The following NCK1 variants were observed in gnomAD, a reference collection of about 807,000 sequenced individuals.
The protein encoded by NCK1 is SH2/SH3 adapter protein NCK1.
In NCK1, 19 loss-of-function variants were observed where a neutral mutation model predicts 36.6. That is an observed-to-expected ratio of 0.52 (90% CI 0.36 to 0.76). NCK1 has a LOEUF of 0.76. Ranked by LOEUF, NCK1 falls within the 30% of genes least tolerant of loss-of-function variation. NCK1 has a pLI of 0.00. For synonymous variants in NCK1, 165 were observed against 156.0 expected, an observed-to-expected ratio of 1.06 and a Z score of -0.43; for missense variants, 358 against 445.6, an observed-to-expected ratio of 0.80 and a Z score of 1.77.
intron 1 of NCK1, among the ~76,000 whole-genome samples, chr3:136,876,409 A>G (rs1233469482): frequency 6.6e-6 from 1 of 152,210 alleles, no homozygotes; most frequent in East Asian, 1.9e-4. Context: ...ACCGCTAGCA[A>G]GACTAATAAA....
chr3:136,899,149 T>C, intron 1 of NCK1: 1 of 206,020 alleles, frequency 4.9e-6, no homozygotes, highest in Admixed American at 5.1e-5. Context: ...ATTTGGAGAC[T>C]TCATGGACAC....
intron 2 of NCK1, among the ~76,000 whole-genome samples, chr3:136,937,160 G>C (rs1196730602): frequency 1.3e-5 from 2 of 152,116 alleles, no homozygotes; most frequent in African/African-American, 2.4e-5. Context: ...TTGGAGTCCA[G>C]TTTCATTCTT....
intron 1 of NCK1, among the ~76,000 whole-genome samples, chr3:136,895,629 A>G (rs559435804): frequency 2.6e-5 from 4 of 152,240 alleles, no homozygotes; most frequent in South Asian, 4.1e-4. Context: ...CAGTGGCACA[A>G]TCTCGGCTCA....
At chr3:136,880,407 G>T (rs912909557) in intron 1 of NCK1, among the ~76,000 whole-genome samples, 1 of 152,132 alleles carries the variant, frequency 6.6e-6, no homozygotes, top group African/African-American at 2.4e-5. Context: ...AAAAAAGGGA[G>T]AGATTTTGAC....
At chr3:136,925,001 G>T (rs1309558198) in intron 1 of NCK1, among the ~76,000 whole-genome samples, 1 of 152,098 alleles carries the variant, frequency 6.6e-6, no homozygotes, top group Non-Finnish European at 1.5e-5. Flanking sequence ...CAAAAATTAG[G>T]GGGATAGCTG....
intron 1 of NCK1, among the ~76,000 whole-genome samples, chr3:136,903,151 T>C (rs949621270): frequency 9.2e-5 from 14 of 152,332 alleles, no homozygotes; most frequent in African/African-American, 3.4e-4. Flanking sequence ...CCTTATATGT[T>C]TGGAATTGTT....
intron 2 of NCK1, among the ~76,000 whole-genome samples, chr3:136,939,859 TTTTA>T (rs60498879): frequency 0.65 from 74,135 of 113,462 alleles, 25,835 homozygotes; most frequent in East Asian, 0.87. Flanking sequence ...TTTTTTTTTT[TTTTA>T]AAATAGAGAC....
At chr3:136,943,508 A>G (rs765927761) in intron 2 of NCK1, among the ~76,000 whole-genome samples, 8 of 152,350 alleles carry the variant, frequency 5.3e-5, no homozygotes, top group Middle Eastern at 3.4e-3. Flanking sequence ...TCTGCACAGA[A>G]ATTATAGAAA....
At chr3:136,863,945 C>T (rs2108057966) in intron 1 of NCK1, among the ~76,000 whole-genome samples, 1 of 151,110 alleles carries the variant, frequency 6.6e-6, no homozygotes, top group African/African-American at 2.4e-5. Context: ...ACTAAAAATA[C>T]AAAAAAGTAG....
chr3:136,923,646 A>T (rs1230852047), intron 1 of NCK1, among the ~76,000 whole-genome samples: 1 of 152,132 alleles, frequency 6.6e-6, no homozygotes, highest in African/African-American at 2.4e-5. Flanking sequence ...GAAGGTATGG[A>T]AGAAGACCTC....
chr3:136,893,191 T>TACACACACACAC (rs1204636247), intron 1 of NCK1, among the ~76,000 whole-genome samples: 5 of 38,832 alleles, frequency 1.3e-4, no homozygotes, highest in Admixed American at 3.3e-4. Context: ...TATATATATA[T>TACACACACACAC]ACACACATGT....
chr3:136,945,279 G>A (rs1225891110), intron 2 of NCK1, among the ~76,000 whole-genome samples: 2 of 152,166 alleles, frequency 1.3e-5, no homozygotes, highest in Admixed American at 1.3e-4. Flanking sequence ...TTACATTTAA[G>A]AGGGAATTCA....
intron 1 of NCK1, among the ~76,000 whole-genome samples, chr3:136,925,016 A>T (rs570006367): frequency 6.6e-5 from 10 of 152,210 alleles, no homozygotes; most frequent in Non-Finnish European, 1.3e-4. Context: ...TAGCTGAACC[A>T]CAAGGCATAA....
chr3:136,940,711 A>G (rs1286830110), intron 2 of NCK1, among the ~76,000 whole-genome samples: 1 of 151,844 alleles, frequency 6.6e-6, no homozygotes. Flanking sequence ...TGCCTAACTA[A>G]TTTTTGTATT....
At chr3:136,941,514 A>G (rs1316038117) in intron 2 of NCK1, among the ~76,000 whole-genome samples, 2 of 152,054 alleles carry the variant, frequency 1.3e-5, no homozygotes, top group Non-Finnish European at 2.9e-5. Context: ...CCTGGGGATT[A>G]ACATCTTAGG....
At chr3:136,929,213 G>A (rs1940330290) in intron 2 of NCK1, among the ~76,000 whole-genome samples, 1 of 152,072 alleles carries the variant, frequency 6.6e-6, no homozygotes, top group South Asian at 2.1e-4. Context: ...GACTACAGAT[G>A]CTTACTACCA....
intron 2 of NCK1, among the ~76,000 whole-genome samples, chr3:136,939,766 T>C (rs1017084338): frequency 6.6e-6 from 1 of 152,022 alleles, no homozygotes; most frequent in Non-Finnish European, 1.5e-5. Flanking sequence ...CTTTCTGTTA[T>C]TGATTTCTAG....
At chr3:136,923,124 C>T (rs778823142) in intron 1 of NCK1, among the ~76,000 whole-genome samples, 16 of 151,438 alleles carry the variant, frequency 1.1e-4, no homozygotes, top group Admixed American at 2.6e-4. Context: ...TGTGTGTGCG[C>T]GCCTGTGTGC....
intron 1 of NCK1, among the ~76,000 whole-genome samples, chr3:136,881,538 C>G (rs970072512): frequency 2.0e-5 from 3 of 152,052 alleles, no homozygotes; most frequent in Non-Finnish European, 4.4e-5. Context: ...TTGTGGTAAA[C>G]TGCATAAGCA....
Sources: allele counts gnomAD v4.1 joint callset (sites outside exome capture counted in the v4.1 genomes callset), GRCh38; gene constraint gnomAD v4.1.1; transcripts MANE v1.5; gene names NCBI Gene and HGNC (gene_info 2026-07-23, HGNC 2026-07-21).